The following SDK1 variants were observed in gnomAD, a reference collection of about 807,000 sequenced individuals.
SDK1 encodes the protein protein sidekick-1.
In SDK1, 157 loss-of-function variants were observed where a neutral mutation model predicts 245.5. The ratio of observed to expected loss-of-function variants is 0.64; its 90% confidence interval spans 0.56 to 0.73. The LOEUF (loss-of-function observed/expected upper bound fraction) is 0.73. SDK1 is among the 30% of genes least tolerant of loss of function. SDK1 has a pLI of 0.00. For synonymous variants in SDK1, 1,647 were observed against 1,278.5 expected (o/e 1.29, Z -6.15); for missense variants, 3,583 against 3,002.3 (o/e 1.19, Z -4.52).
chr7:3,766,430 T>C (rs552229847), intron 4 of SDK1, among the ~76,000 whole-genome samples: 2 of 152,298 alleles, frequency 1.3e-5, no homozygotes, highest in East Asian at 3.9e-4. Context: ...TGATTTTTAA[T>C]CCAGCTCCCC....
chr7:4,221,388 G>A (rs746274502), intron 40 of SDK1, 24 bp downstream of exon 40: 52 of 1,589,536 alleles, frequency 3.3e-5, no homozygotes, highest in East Asian at 1.8e-4. Flanking sequence ...CCCCACAAAC[G>A]GGGTCTCAGC....
intron 1 of SDK1, among the ~76,000 whole-genome samples, chr7:3,594,702 C>T (rs1780996505): frequency 6.6e-6 from 1 of 152,168 alleles, no homozygotes; most frequent in Admixed American, 6.5e-5. Flanking sequence ...TGACTAATGA[C>T]ATTGAACATT....
chr7:3,742,640 C>A (rs984710447), intron 4 of SDK1, among the ~76,000 whole-genome samples: 1 of 152,188 alleles, frequency 6.6e-6, no homozygotes, highest in Non-Finnish European at 1.5e-5. Flanking sequence ...AGCTTCCAAG[C>A]ACAGCCATTC....
intron 1 of SDK1, among the ~76,000 whole-genome samples, chr7:3,481,079 C>G (rs999548778): frequency 2.6e-5 from 4 of 152,172 alleles, no homozygotes; most frequent in African/African-American, 7.2e-5. Context: ...ACTATGATTA[C>G]TAATACATTT....
chr7:3,955,253 G>A (rs1251875024), intron 7 of SDK1, among the ~76,000 whole-genome samples: 1 of 152,288 alleles, frequency 6.6e-6, no homozygotes, highest in African/African-American at 2.4e-5. Context: ...CTCCTGGCCA[G>A]GGGTCCCCTC....
intron 1 of SDK1, among the ~76,000 whole-genome samples, chr7:3,382,140 A>ATT (rs11376535): frequency 6.6e-6 from 1 of 150,386 alleles, no homozygotes; most frequent in African/African-American, 2.5e-5. Flanking sequence ...AAACTTAAAC[A>ATT]TTTTTTTTTG....
chr7:4,244,247 T>C (rs563337483), intron 43 of SDK1, among the ~76,000 whole-genome samples: 1 of 152,258 alleles, frequency 6.6e-6, no homozygotes, highest in Non-Finnish European at 1.5e-5. Flanking sequence ...GAGAAGACAC[T>C]TCCTCTGTAG....
rs760792352 is a variant in SDK1 at position 3,962,720 on chromosome 7, C to G, written c.1298C>G (p.Pro433Arg). 29 of 1,613,702 alleles carry G rather than the reference C, an allele frequency of 1.8e-5. No homozygotes were observed. Among genetic ancestry groups the G allele is most frequent in the Non-Finnish European group, 2.4e-5 (28 of 1,179,890 alleles). Residue 433 changes from proline to arginine, a missense_variant, in exon 9 of 45, where the codon CCT becomes CGT. Coordinates refer to ENST00000404826, the MANE Select transcript of SDK1 (RefSeq NM_152744.4). ...ATCTCCATCAGCAGGCTCCAGAATCCTCGATACAAAGTGCTCGCCAGCGGA... is the reference window on the plus strand; with the variant it reads ...ATCTCCATCAGCAGGCTCCAGAATCGTCGATACAAAGTGCTCGCCAGCGGA... ...DAISISRLQN[P>R]RYKVLASGGL...
intron 1 of SDK1, among the ~76,000 whole-genome samples, chr7:3,345,321 A>G (rs1372974569): frequency 1.3e-5 from 2 of 152,228 alleles, no homozygotes; most frequent in Non-Finnish European, 2.9e-5. Flanking sequence ...ATATTGGGAC[A>G]TGACATATGT....
At chr7:3,837,689 T>G (rs1358812097) in intron 5 of SDK1, among the ~76,000 whole-genome samples, 2 of 152,230 alleles carry the variant, frequency 1.3e-5, no homozygotes, top group African/African-American at 4.8e-5. Context: ...GTTGCTGTGA[T>G]GATGGAAATG....
At chr7:4,202,473 C>T (rs576354670) in intron 35 of SDK1, among the ~76,000 whole-genome samples, 1 of 152,298 alleles carries the variant, frequency 6.6e-6, no homozygotes, top group African/African-American at 2.4e-5. Flanking sequence ...GGTTCCAGGC[C>T]ATGTGACTCT....
intron 2 of SDK1, among the ~76,000 whole-genome samples, chr7:3,634,635 TA>T: frequency 6.6e-6 from 1 of 152,308 alleles, no homozygotes; most frequent in South Asian, 2.1e-4. Context: ...TTTGCCTGCT[TA>T]AAAATGTGTG....
intron 1 of SDK1, among the ~76,000 whole-genome samples, chr7:3,431,370 T>TG (rs1006689672): frequency 6.6e-6 from 1 of 151,024 alleles, no homozygotes; most frequent in African/African-American, 2.4e-5. Flanking sequence ...TTTTTTTTTT[T>TG]TTTTTTTTTT....
chr7:3,739,327 T>G (rs1441729020), intron 4 of SDK1, among the ~76,000 whole-genome samples: 1 of 152,234 alleles, frequency 6.6e-6, no homozygotes, highest in Admixed American at 6.5e-5. Context: ...CAGACCATTG[T>G]TTTATATTAA....
chr7:3,890,819 G>A (rs1562516007), intron 5 of SDK1, among the ~76,000 whole-genome samples: 1 of 152,142 alleles, frequency 6.6e-6, no homozygotes, highest in Non-Finnish European at 1.5e-5. Flanking sequence ...GTGGGTGCCT[G>A]TAGTCCCACT....
At chr7:3,835,160 G>T (rs1246096464) in intron 5 of SDK1, among the ~76,000 whole-genome samples, 1 of 152,114 alleles carries the variant, frequency 6.6e-6, no homozygotes, top group African/African-American at 2.4e-5. Context: ...TATAAAGTAG[G>T]ACAAGTGACT....
intron 22 of SDK1, among the ~76,000 whole-genome samples, chr7:4,083,135 G>C (rs1367777249): frequency 6.6e-6 from 1 of 152,146 alleles, no homozygotes; most frequent in Non-Finnish European, 1.5e-5. Context: ...ATATATTTAA[G>C]ATGGACAGTT....
rs189695277 is a variant in SDK1 at position 3,305,574 on chromosome 7, C to G, written c.298+3690C>G. Among the ~76,000 whole-genome samples the G allele has an allele frequency of 2.0e-5, 3 of 152,300 alleles. No individual in the cohort carries two copies. The East Asian group carries it at 5.8e-4, about 29-fold the overall frequency. On this transcript the variant is annotated intron_variant, in intron 1 of 44. Transcript: ENST00000404826. Reference sequence around the variant, plus strand: ...TTAATCCAGAAGTACTTTGCTTCCCCTCCTCCTAACCTACTCCCTTTACAA... The same window carrying G: ...TTAATCCAGAAGTACTTTGCTTCCCGTCCTCCTAACCTACTCCCTTTACAA...
intron 4 of SDK1, among the ~76,000 whole-genome samples, chr7:3,799,303 A>G (rs1049196102): frequency 1.3e-5 from 2 of 151,902 alleles, no homozygotes; most frequent in Middle Eastern, 3.4e-3. Flanking sequence ...TAATTCTTCT[A>G]TCTCAAATTG....
Sources: gnomAD v4.1 joint callset for allele counts (sites outside exome capture counted in the v4.1 genomes callset) on GRCh38, gnomAD v4.1.1 for gene constraint, MANE v1.5 for transcripts, NCBI Gene and HGNC (gene_info 2026-07-23, HGNC 2026-07-21) for gene names.